Variants in DNAAF9 observed in about 807,000 individuals in gnomAD.
DNAAF9 encodes the protein dynein axonemal assembly factor 9.
DNAAF9 carries 90 observed loss-of-function variants against 167.0 expected under a neutral mutation model. That is an observed-to-expected ratio of 0.54 (90% CI 0.45 to 0.64). DNAAF9 has a LOEUF of 0.64. Among genes scored for constraint, DNAAF9 ranks in the 30% least tolerant of loss-of-function variants. DNAAF9 has a pLI of 0.00. For synonymous variants in DNAAF9, 491 were observed against 508.8 expected, an observed-to-expected ratio of 0.96 and a Z score of 0.47; for missense variants, 1,315 against 1,442.2, an observed-to-expected ratio of 0.91 and a Z score of 1.43.
intron 29 of DNAAF9, among the ~76,000 whole-genome samples, chr20:3,272,816 ATTTT>A (rs1053952374): frequency 6.6e-6 from 1 of 152,020 alleles, no homozygotes; most frequent in Admixed American, 6.6e-5. Context: ...TAGTTTAATT[ATTTT>A]TTTATTATTA....
intron 30 of DNAAF9, among the ~76,000 whole-genome samples, chr20:3,265,463 A>G (rs1428546130): frequency 6.7e-6 from 1 of 149,152 alleles, no homozygotes; most frequent in African/African-American, 2.5e-5. Context: ...GCTACTTAGG[A>G]GGCCGAGGCA....
intron 31 of DNAAF9, among the ~76,000 whole-genome samples, chr20:3,260,656 G>T (rs2068369291): frequency 1.3e-5 from 2 of 152,138 alleles, no homozygotes; most frequent in Admixed American, 6.6e-5. Context: ...TTGAGACAAG[G>T]TCTCCCTCTG....
At chr20:3,374,020 A>AACTAGGCAT in intron 6 of DNAAF9, 28 bp downstream of exon 6, 1 of 1,436,236 alleles carries the variant, frequency 7.0e-7, no homozygotes, top group Non-Finnish European at 9.8e-7. Context: ...GGCAGACAAA[A>AACTAGGCAT]ACTAGGCATA....
At position 3,336,260 on chromosome 20, in the gene DNAAF9, T is replaced by TTG. The variant is rs544921718; in HGVS notation, c.982-3900_982-3899insCA. Reference sequence around the variant, plus strand: ...CAGATTCACAGTTTTGCGTTTTTGTTTTTTTTTTTTTTTTTGCCAAATTTG... The same window carrying TTG: ...CAGATTCACAGTTTTGCGTTTTTGTTTGTTTTTTTTTTTTTTTGCCAAATTTG... On this transcript the variant is annotated intron_variant, in intron 10 of 36. Transcript: ENST00000252032. Among the ~76,000 whole-genome samples the TTG allele has an allele frequency of 6.3e-5, 9 of 141,852 alleles. No homozygotes were observed. The South Asian group carries it at 8.7e-4, about 14-fold the overall frequency. 93.1% of individuals were successfully genotyped at this position (141,852 alleles called of 152,430 possible).
chr20:3,392,429 G>T (rs1328269836), intron 1 of DNAAF9, among the ~76,000 whole-genome samples: 1 of 152,214 alleles, frequency 6.6e-6, no homozygotes, highest in Non-Finnish European at 1.5e-5. Context: ...CAAAGAAGAA[G>T]AAACCAAGAG....
At chr20:3,270,602 T>A in intron 29 of DNAAF9, 40 bp from the exon 30 acceptor site, 1 of 1,595,302 alleles carries the variant, frequency 6.3e-7, no homozygotes, top group African/African-American at 1.3e-5. Context: ...TTCACAGTCC[T>A]GGTTAGGGGT....
intron 20 of DNAAF9, among the ~76,000 whole-genome samples, chr20:3,304,781 C>T (rs1194528247): frequency 2.0e-5 from 3 of 152,226 alleles, no homozygotes; most frequent in Non-Finnish European, 2.9e-5. Context: ...AGTGAATAAA[C>T]TATCAGCTAA....
intron 23 of DNAAF9, chr20:3,295,952 G>C: frequency 3.2e-6 from 5 of 1,581,786 alleles, no homozygotes; most frequent in Non-Finnish European, 4.3e-6. Flanking sequence ...TGTGATGTTG[G>C]GGTGCCAGAT....
At chr20:3,333,950 G>A (rs913512976) in intron 10 of DNAAF9, among the ~76,000 whole-genome samples, 1 of 152,092 alleles carries the variant, frequency 6.6e-6, no homozygotes, top group Non-Finnish European at 1.5e-5. Context: ...TCTAAACCTT[G>A]GTGTCATAGA....
In DNAAF9 at chr20:3,287,491, G is replaced by A. The variant is rs1156359301; in HGVS notation, c.2486+141C>T. 16 of 794,324 alleles carry A rather than the reference G, an allele frequency of 2.0e-5. No homozygotes were observed. In the East Asian group the frequency reaches 2.9e-4, roughly 15 times the overall value. The allele number at this position is 794,324 out of a possible 1,614,324, so 49.2% of individuals were successfully genotyped here. ...TAGGATGGCAATAGGGTCATTGCTC[G>A]CTTAAGGCTTCTCTGTAGCGCAGAC... On this transcript the variant is annotated intron_variant, in intron 27 of 36. Transcript: ENST00000252032.
chr20:3,360,506 T>C (rs914875006), intron 6 of DNAAF9, among the ~76,000 whole-genome samples: 1 of 152,224 alleles, frequency 6.6e-6, no homozygotes, highest in Non-Finnish European at 1.5e-5. Flanking sequence ...TTTTACACAA[T>C]GAATTGCTTT....
rs1300767390 is a variant in DNAAF9, at chr20:3,332,341, T to C, written c.1002A>G (p.Pro334=). 2.5e-6 allele frequency: 4 copies of C among 1,604,954 alleles called. No homozygotes were observed. The highest frequency in any genetic ancestry group is 3.4e-6 in the Non-Finnish European group (4 of 1,171,980). ...TTCTCGAACAAGCAAGAGGTCCCTT[T>C]GGTGAGACACACTGGGCTACCTGGA... The part of the protein sequence containing the change: ...AKHMVAQCVS[P]KGPLACSRTY... The change falls in exon 11 of 37, where the codon CCA becomes CCG. Residue 334 remains proline (P), a synonymous_variant. Coordinates refer to ENST00000252032, the MANE Select transcript of DNAAF9 (RefSeq NM_001009984.3).
In DNAAF9 at chr20:3,287,662, T is replaced by C. The variant is rs778396074; in HGVS notation, c.2456A>G (p.Lys819Arg). 12 of 1,614,248 alleles carry C rather than the reference T, an allele frequency of 7.4e-6. No individual in the cohort carries two copies. In the East Asian group the frequency reaches 2.0e-4, roughly 27 times the overall value. Residue 819 changes from lysine to arginine, a missense_variant, in exon 27 of 37, where the codon AAG becomes AGG. Lys to Arg is a conservative substitution (Grantham distance 26). Coordinates refer to ENST00000252032, the MANE Select transcript of DNAAF9 (RefSeq NM_001009984.3). ...TAACACCACCAGCAGTCTGGTCTTC[T>C]TGCGGATGTAGGCTGACTGGCGCGC... Reference protein sequence around the residue: ...RSARQSAYIRKKTRLLVVLQG... With the variant: ...RSARQSAYIRRKTRLLVVLQG...
chr20:3,350,576 G>A (rs777928531), intron 7 of DNAAF9, among the ~76,000 whole-genome samples: 79 of 152,116 alleles, frequency 5.2e-4, no homozygotes, highest in Admixed American at 1.4e-3. Flanking sequence ...AGTACTTCTA[G>A]CACTCAGATT....
In DNAAF9 at chr20:3,382,351, A is replaced by G. The variant is rs2083666220; in HGVS notation, c.163+76T>C. ...TCACAGCTTATTTCACATTGCTACT[A>G]TTACTAATACCTTCCTGTGAACAAA... On this transcript the variant is annotated intron_variant, in intron 2 of 36. Coordinates refer to ENST00000252032, the MANE Select transcript of DNAAF9 (RefSeq NM_001009984.3). 5 of 1,060,702 alleles carry G rather than the reference A, an allele frequency of 4.7e-6. No homozygotes were observed. The Admixed American group carries it at 7.1e-5, about 15-fold the overall frequency. The allele number at this position is 1,060,702 out of a possible 1,614,324, so 65.7% of individuals were successfully genotyped here. A position where few individuals can be genotyped will look rare whatever the true frequency, so the allele number is the denominator to read the frequency against.
intron 23 of DNAAF9, chr20:3,295,718 T>C (rs932626774): frequency 1.6e-6 from 1 of 606,404 alleles, no homozygotes; most frequent in Non-Finnish European, 3.2e-6. Context: ...CCTTTTATTA[T>C]CTGGCATAAC....
intron 35 of DNAAF9, among the ~76,000 whole-genome samples, chr20:3,254,085 A>G (rs2068237797): frequency 6.6e-6 from 1 of 151,758 alleles, no homozygotes; most frequent in South Asian, 2.1e-4. Flanking sequence ...TTATTTATTT[A>G]TTTATTTTTT....
At chr20:3,269,778 C>T (rs1333461698) in intron 30 of DNAAF9, among the ~76,000 whole-genome samples, 3 of 151,954 alleles carry the variant, frequency 2.0e-5, no homozygotes, top group Admixed American at 1.3e-4. Context: ...CATGGTGAAA[C>T]CCCGTCTCTA....
intron 7 of DNAAF9, among the ~76,000 whole-genome samples, chr20:3,356,685 C>T (rs1001032538): frequency 6.6e-6 from 1 of 152,082 alleles, no homozygotes; most frequent in African/African-American, 2.4e-5. Flanking sequence ...CTGTTACAGT[C>T]TGTTCTATGT....
Sources: allele counts gnomAD v4.1 joint callset (sites outside exome capture counted in the v4.1 genomes callset), GRCh38; gene constraint gnomAD v4.1.1; transcripts MANE v1.5; gene names NCBI Gene and HGNC (gene_info 2026-07-23, HGNC 2026-07-21).